RIMS2: variants seen among roughly 807,000 people sequenced by gnomAD.
RIMS2 encodes regulating synaptic membrane exocytosis protein 2.
RIMS2 carries 59 observed loss-of-function variants against 174.4 expected under a neutral mutation model. The ratio of observed to expected loss-of-function variants is 0.34; its 90% CI spans 0.27 to 0.42. RIMS2 has a LOEUF of 0.42. Ranked by LOEUF, RIMS2 falls within the 10% of genes least tolerant of loss-of-function variation. The probability of loss-of-function intolerance (pLI) is 1.00; values close to 1 mark genes in which losing one functional copy is unlikely to be tolerated. For synonymous variants in RIMS2, 606 were observed against 572.5 expected (o/e 1.06, Z -0.84); for missense variants, 1,620 against 1,666.3 (o/e 0.97, Z 0.48).
At chr8:103,646,225 C>A (rs149016151) in intron 1 of RIMS2, among the ~76,000 whole-genome samples, 3 of 151,958 alleles carry the variant, frequency 2.0e-5, no homozygotes, top group Admixed American at 2.0e-4. Flanking sequence ...GAGCAGGCCA[C>A]AGGGGATATG....
intron 3 of RIMS2, among the ~76,000 whole-genome samples, chr8:103,803,480 AATTTAAATATGC>A (rs1200282401): frequency 6.6e-6 from 1 of 152,190 alleles, no homozygotes; most frequent in African/African-American, 2.4e-5. Context: ...CTGATAAAAA[AATTTAAATATGC>A]ATTTATTAAT....
intron 1 of RIMS2, among the ~76,000 whole-genome samples, chr8:103,551,056 C>A (rs1847621091): frequency 6.6e-6 from 1 of 152,094 alleles, no homozygotes; most frequent in Admixed American, 6.5e-5. Context: ...TGAAACTATT[C>A]CAATCAATAG....
intron 2 of RIMS2, among the ~76,000 whole-genome samples, chr8:103,765,064 A>G (rs1239897522): frequency 6.6e-6 from 1 of 152,202 alleles, no homozygotes; most frequent in Non-Finnish European, 1.5e-5. Context: ...TGAAAATGCC[A>G]TGTTGAAACT....
At chr8:104,223,412 C>A in intron 19 of RIMS2, 1 of 1,275,990 alleles carries the variant, frequency 7.8e-7, no homozygotes, top group South Asian at 2.7e-5. Flanking sequence ...GCAGCCGCTC[C>A]GCCCGCCACC....
At chr8:104,035,654 C>A (rs1045824989) in intron 19 of RIMS2, among the ~76,000 whole-genome samples, 3 of 150,996 alleles carry the variant, frequency 2.0e-5, no homozygotes, top group Non-Finnish European at 4.4e-5. Context: ...ACTTTTGTTT[C>A]TTTTTATTCT....
intron 19 of RIMS2, among the ~76,000 whole-genome samples, chr8:104,050,360 C>G (rs2096765776): frequency 6.6e-6 from 1 of 152,016 alleles, no homozygotes; most frequent in South Asian, 2.1e-4. Flanking sequence ...AAACGTTAAA[C>G]TTAGTTTTAA....
At chr8:104,103,575 C>G (rs1372702390) in intron 19 of RIMS2, among the ~76,000 whole-genome samples, 2 of 151,994 alleles carry the variant, frequency 1.3e-5, no homozygotes, top group Non-Finnish European at 2.9e-5. Flanking sequence ...CCACCTTTCC[C>G]TAAAATATTC....
chr8:103,535,062 G>GT (rs538202699), intron 1 of RIMS2, among the ~76,000 whole-genome samples: 3 of 152,184 alleles, frequency 2.0e-5, no homozygotes, highest in East Asian at 1.9e-4. Flanking sequence ...CTAAAAGAAT[G>GT]TTTTTTTGCC....
chr8:103,860,063 A>G (rs369872897), intron 3 of RIMS2, among the ~76,000 whole-genome samples: 1 of 152,194 alleles, frequency 6.6e-6, no homozygotes, highest in African/African-American at 2.4e-5. Flanking sequence ...TCTAATCAAC[A>G]TCATTGAAGA....
chr8:103,819,591 A>G, intron 3 of RIMS2: 1 of 1,613,622 alleles, frequency 6.2e-7, no homozygotes, highest in South Asian at 1.1e-5. Flanking sequence ...CAAATATCTT[A>G]CAAAATGAGC....
At chr8:104,160,586 G>A (rs79757642) in intron 19 of RIMS2, among the ~76,000 whole-genome samples, 10,704 of 152,118 alleles carry the variant, frequency 0.07, 864 homozygotes, top group African/African-American at 0.18. Context: ...ATTATCTTGC[G>A]TTATCCCTTT....
intron 3 of RIMS2, among the ~76,000 whole-genome samples, chr8:103,855,068 A>C (rs1486382300): frequency 1.3e-5 from 2 of 151,888 alleles, no homozygotes; most frequent in African/African-American, 4.8e-5. Flanking sequence ...GTTTCAATCT[A>C]TTCCTGATTC....
chr8:104,239,509 TACACAC>T (rs143944632), intron 19 of RIMS2, among the ~76,000 whole-genome samples: 1 of 150,358 alleles, frequency 6.7e-6, no homozygotes, highest in African/African-American at 2.4e-5. Context: ...GATGTCTCAA[TACACAC>T]ACACACACAC....
At chr8:104,236,649 A>C (rs778723132) in intron 19 of RIMS2, among the ~76,000 whole-genome samples, 24 of 152,206 alleles carry the variant, frequency 1.6e-4, no homozygotes, top group Admixed American at 6.5e-4. Context: ...GGTTTTATTA[A>C]TGGATATGTG....
At chr8:103,847,704 A>G (rs1486950510) in intron 3 of RIMS2, among the ~76,000 whole-genome samples, 1 of 152,040 alleles carries the variant, frequency 6.6e-6, no homozygotes, top group Non-Finnish European at 1.5e-5. Context: ...ACTTATCACC[A>G]GATGTCCAGT....
chr8:103,901,805 G>A (rs368897537), intron 4 of RIMS2, among the ~76,000 whole-genome samples: 10 of 152,124 alleles, frequency 6.6e-5, no homozygotes, highest in African/African-American at 1.9e-4. Flanking sequence ...ACTTTAGCCA[G>A]CCATGCTTTT....
chr8:103,703,162 T>C (rs2137565128), intron 2 of RIMS2, among the ~76,000 whole-genome samples: 1 of 152,104 alleles, frequency 6.6e-6, no homozygotes, highest in African/African-American at 2.4e-5. Flanking sequence ...TTGATTTTTT[T>C]TGTAGAGATG....
intron 1 of RIMS2, among the ~76,000 whole-genome samples, chr8:103,636,168 G>T (rs2096069511): frequency 6.6e-6 from 1 of 152,188 alleles, no homozygotes; most frequent in African/African-American, 2.4e-5. Flanking sequence ...TGCTGCTACT[G>T]GTAGCTGGCT....
chr8:104,132,725 G>T (rs2098483142), intron 19 of RIMS2, among the ~76,000 whole-genome samples: 2 of 152,164 alleles, frequency 1.3e-5, no homozygotes, highest in African/African-American at 2.4e-5. Flanking sequence ...GTTTTTACAG[G>T]TCTGAAAGAA....
Sources: allele counts gnomAD v4.1 joint callset (sites outside exome capture counted in the v4.1 genomes callset), GRCh38; gene constraint gnomAD v4.1.1; transcripts MANE v1.5; gene names NCBI Gene and HGNC (gene_info 2026-07-23, HGNC 2026-07-21).